The following KIRREL3 variants were observed in gnomAD, a reference collection of about 807,000 sequenced individuals.
KIRREL3 encodes the protein kin of IRRE-like protein 3.
KIRREL3 carries 36 observed loss-of-function variants against 89.7 expected under a neutral mutation model. The ratio of observed to expected loss-of-function variants is 0.40; its 90% confidence interval spans 0.31 to 0.53. KIRREL3 has a LOEUF of 0.53. KIRREL3 is among the 20% of genes least tolerant of loss of function. The pLI, the probability that KIRREL3 is intolerant of heterozygous loss-of-function variation, is 0.49. For synonymous variants in KIRREL3, 445 were observed against 441.4 expected, an observed-to-expected ratio of 1.01 and a Z score of -0.10; for missense variants, 864 against 1,056.6, an observed-to-expected ratio of 0.82 and a Z score of 2.53.
In KIRREL3 at chr11:126,454,274, T is replaced by G; in HGVS notation, c.848+2075A>C. Among the ~76,000 whole-genome samples the G allele has an allele frequency of 6.7e-6, 1 of 148,372 alleles. No individual in the cohort carries two copies. The highest frequency in any genetic ancestry group is 2.5e-5 in the African/African-American group (1 of 40,120). On this transcript the variant is annotated intron_variant, in intron 7 of 16. Coordinates refer to ENST00000525144, the MANE Select transcript of KIRREL3 (RefSeq NM_032531.4). The surrounding 1 kb of genome is among the most constrained non-coding windows in gnomAD (Gnocchi z 5.8). Reference sequence around the variant, plus strand: ...TGCTGTCCGGGTCAGTAGGCAGGTGTGGGTGGGGGAGGCAGGCCTGGGGGT... The same window carrying G: ...TGCTGTCCGGGTCAGTAGGCAGGTGGGGGTGGGGGAGGCAGGCCTGGGGGT...
rs1049352964 is a variant in KIRREL3, at chr11:126,740,571, C to T, written c.56-177659G>A. 9.2e-5 allele frequency among the ~76,000 whole-genome samples: 14 copies of T among 152,070 alleles called. No homozygotes were observed. The highest frequency in any genetic ancestry group is 2.1e-4 in the South Asian group (1 of 4,822). ...TGATGTATTCCTATGGGCAAAGTAT[C>T]GCTCTAGCCCAGCATCCCCTTTTGT... On this transcript the variant is annotated intron_variant, in intron 1 of 16. Transcript: ENST00000525144. The surrounding 1 kb of genome is among the most constrained non-coding windows in gnomAD (Gnocchi z 6.0).
At chr11:126,726,964 T>G (rs1948410618) in intron 1 of KIRREL3, among the ~76,000 whole-genome samples, 1 of 152,212 alleles carries the variant, frequency 6.6e-6, no homozygotes. Flanking sequence ...GTCAGCTGCT[T>G]CTTTCTCTGA....
chr11:127,000,733 T>C lies in KIRREL3; in HGVS notation c.-224A>G. 1.8e-6 allele frequency: 1 copy of C among 541,572 alleles called. No individual in the cohort carries two copies. Among genetic ancestry groups the C allele is most frequent in the Admixed American group, 3.3e-5 (1 of 30,206 alleles). The allele number at this position is 541,572 out of a possible 1,614,324, so 33.5% of individuals were successfully genotyped here. ...CTTAGCCGCCTCGGGAAGCCGGGAT[T>C]GTCAGCAATGTCCCCACTCGGAGAA... On this transcript the variant is annotated 5_prime_UTR_variant, in exon 1 of 17. Coordinates refer to ENST00000525144, the MANE Select transcript of KIRREL3 (RefSeq NM_032531.4). This position sits in a 1 kb window ranked among gnomAD's most constrained non-coding sequence, Gnocchi z 7.1.
At chr11:126,816,930 CAG>C (rs1262808866) in intron 1 of KIRREL3, among the ~76,000 whole-genome samples, 1 of 152,154 alleles carries the variant, frequency 6.6e-6, no homozygotes, top group East Asian at 1.9e-4. Flanking sequence ...CTCAGCACCT[CAG>C]AGGAACAGCT....
At position 126,807,132 on chromosome 11, in the gene KIRREL3, C is replaced by T. The variant is rs1265608914; in HGVS notation, c.55+193323G>A. Reference sequence around the variant, plus strand: ...GGATAACTATCTTTTTCCAAGTTCCCAAGCAGGTTTGGGAGTAGGACGTGG... The same window carrying T: ...GGATAACTATCTTTTTCCAAGTTCCTAAGCAGGTTTGGGAGTAGGACGTGG... On this transcript the variant is annotated intron_variant, in intron 1 of 16. Coordinates refer to ENST00000525144, the MANE Select transcript of KIRREL3 (RefSeq NM_032531.4). The surrounding 1 kb of genome is among the most constrained non-coding windows in gnomAD (Gnocchi z 4.3). 1.3e-5 allele frequency among the ~76,000 whole-genome samples: 2 copies of T among 152,170 alleles called. No individual in the cohort carries two copies. Among genetic ancestry groups the T allele is most frequent in the Non-Finnish European group, 2.9e-5 (2 of 68,042 alleles).
intron 1 of KIRREL3, among the ~76,000 whole-genome samples, chr11:126,856,851 C>T (rs1465123765): frequency 1.3e-5 from 2 of 152,022 alleles, no homozygotes; most frequent in African/African-American, 4.8e-5. Context: ...CCTCGGCCTC[C>T]CAAAGTGCTG....
intron 1 of KIRREL3, among the ~76,000 whole-genome samples, chr11:126,720,077 T>A (rs1373837331): frequency 6.6e-6 from 1 of 152,194 alleles, no homozygotes; most frequent in Non-Finnish European, 1.5e-5. Context: ...AGCTTCTTGG[T>A]CCTTACTATT....
intron 10 of KIRREL3, chr11:126,440,812 G>A (rs550726425): frequency 1.1e-5 from 6 of 556,256 alleles, no homozygotes; most frequent in South Asian, 1.0e-4. Flanking sequence ...AAGGTGGTGA[G>A]TGTTAGTACC....
chr11:126,542,590 C>T (rs1434206092), intron 2 of KIRREL3, among the ~76,000 whole-genome samples: 2 of 152,222 alleles, frequency 1.3e-5, no homozygotes, highest in Non-Finnish European at 2.9e-5. Context: ...AGAACATCAC[C>T]TCTGGGACTG....
intron 1 of KIRREL3, among the ~76,000 whole-genome samples, chr11:126,921,892 CCCTATCTATCTATCTATCTT>C (rs1947334379): frequency 6.7e-6 from 1 of 150,284 alleles, no homozygotes; most frequent in Non-Finnish European, 1.5e-5. Flanking sequence ...TCATCTATCT[CCCTATCTATCTATCTATCTT>C]CCTATCTATC....
chr11:126,990,465 A>G lies in KIRREL3; in HGVS notation c.55+9990T>C, dbSNP rs575024664. Among the ~76,000 whole-genome samples the G allele has an allele frequency of 3.7e-4, 56 of 150,974 alleles. 1 individual carries two copies. The South Asian group carries it at 0.011, about 30-fold the overall frequency. On this transcript the variant is annotated intron_variant, in intron 1 of 16. Coordinates refer to ENST00000525144, the MANE Select transcript of KIRREL3 (RefSeq NM_032531.4). The surrounding 1 kb of genome is among the most constrained non-coding windows in gnomAD (Gnocchi z 6.3). ...CGTCCCTTCCCAGCTCCCGGCAGCC[A>G]CTAGGCTTTCCCCTTCCCCGTCCTA...
At position 126,694,659 on chromosome 11, in the gene KIRREL3, C is replaced by T. The variant is rs1484990227; in HGVS notation, c.56-131747G>A. ...TCTGGCTCTGCTGTAAGCATTGTGA[C>T]CTTAGGGCAGGTACTGACTTCTATG... On this transcript the variant is annotated intron_variant, in intron 1 of 16. Coordinates refer to ENST00000525144, the MANE Select transcript of KIRREL3 (RefSeq NM_032531.4). This position sits in a 1 kb window ranked among gnomAD's most constrained non-coding sequence, Gnocchi z 4.4. Among the ~76,000 whole-genome samples, 3 of 152,034 alleles carry T rather than the reference C, an allele frequency of 2.0e-5. No homozygotes were observed. The highest frequency in any genetic ancestry group is 7.3e-5 in the African/African-American group (3 of 41,364).
rs550025535 is a variant in KIRREL3, at chr11:126,641,010, A to G, written c.56-78098T>C. Among the ~76,000 whole-genome samples, 1 of 152,276 alleles carries G rather than the reference A, an allele frequency of 6.6e-6. No individual in the cohort carries two copies. Among genetic ancestry groups the G allele is most frequent in the African/African-American group, 2.4e-5 (1 of 41,542 alleles). On this transcript the variant is annotated intron_variant, in intron 1 of 16. Transcript: ENST00000525144. This position sits in a 1 kb window ranked among gnomAD's most constrained non-coding sequence, Gnocchi z 5.0. ...TTCTCCCCTCCACTTGCAATGTGTA[A>G]CAGGCATCTCAAATTTCACATGCTC...
Position 126,445,004 on chromosome 11 carries a change from C to G in KIRREL3, c.1227G>C (p.Glu409Asp). 1 of 1,613,830 alleles carries G rather than the reference C, an allele frequency of 6.2e-7. No homozygotes were observed. Among genetic ancestry groups the G allele is most frequent in the Non-Finnish European group, 8.5e-7 (1 of 1,179,814 alleles). Residue 409 changes from glutamate (E) to aspartate (D), a missense_variant, in exon 10 of 17, where the codon GAG becomes GAC. By Grantham distance (45) the Glu-to-Asp change is conservative. Transcript: ENST00000525144. Reference protein sequence around the residue: ...RAVVPRVGAGEREVTLTVNGP... With the variant: ...RAVVPRVGAGDREVTLTVNGP... ...CATTGACGGTCAGGGTCACCTCTCT[C>G]TCCCCGGCTCCCACACGGGGCACCA...
At position 126,565,530 on chromosome 11, in the gene KIRREL3, A is replaced by C. The variant is rs1940453378; in HGVS notation, c.56-2618T>G. 6.6e-6 allele frequency among the ~76,000 whole-genome samples: 1 copy of C among 152,238 alleles called. No individual in the cohort carries two copies. Among genetic ancestry groups the C allele is most frequent in the Non-Finnish European group, 1.5e-5 (1 of 68,048 alleles). ...GCTACGTTACAAGGCGCTAATAAGC[A>C]CACTGCAGAAATTTATTAAGTGCGA... is the stretch of plus-strand genomic sequence containing the variant. On this transcript the variant is annotated intron_variant, in intron 1 of 16. Transcript: ENST00000525144. The surrounding 1 kb of genome is among the most constrained non-coding windows in gnomAD (Gnocchi z 5.4).
intron 1 of KIRREL3, among the ~76,000 whole-genome samples, chr11:126,699,046 C>T (rs1388216898): frequency 6.6e-6 from 1 of 152,160 alleles, no homozygotes; most frequent in Non-Finnish European, 1.5e-5. Context: ...TAAGTGGGTC[C>T]TAAGTAGTTA....
rs1957009955 is a variant in KIRREL3, at chr11:126,474,437, G to A, written c.434-971C>T. ...TGGAGGCCAGGCCCAGGGAACCTGG[G>A]AGCACCAGGCCGGCCCCTTCCCTGG... is the stretch of plus-strand genomic sequence containing the variant. On this transcript the variant is annotated intron_variant, in intron 4 of 16. Transcript: ENST00000525144. This position sits in a 1 kb window ranked among gnomAD's most constrained non-coding sequence, Gnocchi z 6.7. Among the ~76,000 whole-genome samples, 1 of 152,190 alleles carries A rather than the reference G, an allele frequency of 6.6e-6. No individual in the cohort carries two copies. The highest frequency in any genetic ancestry group is 6.5e-5 in the Admixed American group (1 of 15,286).
chr11:126,502,204 C>T (rs1223777783), intron 4 of KIRREL3, among the ~76,000 whole-genome samples: 2 of 152,192 alleles, frequency 1.3e-5, no homozygotes, highest in Non-Finnish European at 2.9e-5. Context: ...AAGTTCTCTG[C>T]CCACTTGAAA....
At chr11:126,762,420 T>C (rs1345207878) in intron 1 of KIRREL3, among the ~76,000 whole-genome samples, 1 of 152,222 alleles carries the variant, frequency 6.6e-6, no homozygotes, top group Non-Finnish European at 1.5e-5. Flanking sequence ...TCTACTCTTC[T>C]TTAGCTACTG....
Sources: allele counts gnomAD v4.1 joint callset (sites outside exome capture counted in the v4.1 genomes callset), GRCh38; gene constraint gnomAD v4.1.1; non-coding constraint Gnocchi (gnomAD v3.1); transcripts MANE v1.5; gene names NCBI Gene and HGNC (gene_info 2026-07-23, HGNC 2026-07-21).